The following SLC6A6 variants were observed in gnomAD, a reference collection of about 807,000 sequenced individuals.
SLC6A6 encodes sodium- and chloride-dependent taurine transporter.
Under a neutral mutation model 68.8 loss-of-function variants are expected in SLC6A6, and 16 were observed. That is an observed-to-expected ratio of 0.23 (90% CI 0.16 to 0.35). SLC6A6 has a LOEUF of 0.35. SLC6A6 is among the 10% of genes least tolerant of loss of function. The pLI, the probability that SLC6A6 is intolerant of heterozygous loss-of-function variation, is 1.00. For synonymous variants in SLC6A6, 312 were observed against 315.4 expected (o/e 0.99, Z 0.12); for missense variants, 474 against 802.8 (o/e 0.59, Z 4.95).
intron 2 of SLC6A6, among the ~76,000 whole-genome samples, chr3:14,438,278 A>G (rs1268342068): frequency 6.6e-6 from 1 of 151,748 alleles, no homozygotes; most frequent in Non-Finnish European, 1.5e-5. Flanking sequence ...CTGTGTGCTG[A>G]ATAACATTAG....
At chr3:14,403,371 G>A (rs1466401026) in intron 1 of SLC6A6, among the ~76,000 whole-genome samples, 1 of 152,122 alleles carries the variant, frequency 6.6e-6, no homozygotes, top group Non-Finnish European at 1.5e-5. Context: ...ATCTGTGTGT[G>A]GGGGGCTGCG....
chr3:14,412,049 G>A (rs1034378959), intron 1 of SLC6A6, among the ~76,000 whole-genome samples: 23 of 152,390 alleles, frequency 1.5e-4, no homozygotes, highest in Admixed American at 9.8e-4. Context: ...CCCTGTAAGG[G>A]GTGGCCCAGA....
intron 1 of SLC6A6, among the ~76,000 whole-genome samples, chr3:14,413,157 G>C (rs1182284938): frequency 6.6e-6 from 1 of 152,216 alleles, no homozygotes. Flanking sequence ...CTGGGAGTGG[G>C]GGAGCCACTG....
At chr3:14,484,456 G>A (rs561870267) in intron 14 of SLC6A6, among the ~76,000 whole-genome samples, 2 of 152,336 alleles carry the variant, frequency 1.3e-5, no homozygotes, top group African/African-American at 4.8e-5. Flanking sequence ...GGAGGCTGAA[G>A]ACAGTTGTCC....
At chr3:14,474,892 G>A (rs1700837565) in intron 10 of SLC6A6, among the ~76,000 whole-genome samples, 1 of 152,376 alleles carries the variant, frequency 6.6e-6, no homozygotes, top group Non-Finnish European at 1.5e-5. Flanking sequence ...TGACTCATCA[G>A]GGGTTCCTAC....
At chr3:14,438,548 T>TC (rs1699911986) in intron 2 of SLC6A6, among the ~76,000 whole-genome samples, 1 of 152,172 alleles carries the variant, frequency 6.6e-6, no homozygotes, top group Non-Finnish European at 1.5e-5. Flanking sequence ...GCCTCAGTTT[T>TC]CCCCACCTGT....
intron 1 of SLC6A6, among the ~76,000 whole-genome samples, chr3:14,405,119 C>CGGGAGTTGAAATT (rs1344519865): frequency 6.6e-6 from 1 of 152,158 alleles, no homozygotes; most frequent in Non-Finnish European, 1.5e-5. Context: ...CTGATATCCT[C>CGGGAGTTGAAATT]GGGAGTTGAA....
At chr3:14,446,898 A>G (rs1700134376) in intron 4 of SLC6A6, among the ~76,000 whole-genome samples, 1 of 152,210 alleles carries the variant, frequency 6.6e-6, no homozygotes, top group South Asian at 2.1e-4. Context: ...ACGGGAGCAT[A>G]TGTGAGTCTC....
At chr3:14,411,398 C>G (rs181416438) in intron 1 of SLC6A6, 1 of 152,342 alleles carries the variant, frequency 6.6e-6, no homozygotes, top group African/African-American at 2.4e-5. Flanking sequence ...TCTTAAGGGG[C>G]GAGCTTGGAG....
At chr3:14,476,116 T>C (rs1700873423) in intron 10 of SLC6A6, among the ~76,000 whole-genome samples, 2 of 152,194 alleles carry the variant, frequency 1.3e-5, no homozygotes, top group African/African-American at 4.8e-5. Flanking sequence ...CAGATAGGCC[T>C]TGGAGGGTGT....
chr3:14,417,095 G>A (rs1292130695), intron 2 of SLC6A6, among the ~76,000 whole-genome samples: 2 of 152,338 alleles, frequency 1.3e-5, no homozygotes, highest in East Asian at 3.9e-4. Context: ...CACTTTGGGA[G>A]GCCAAGGCAG....
chr3:14,457,393 G>T (rs762373417), intron 5 of SLC6A6, among the ~76,000 whole-genome samples: 57 of 152,208 alleles, frequency 3.7e-4, no homozygotes, highest in Non-Finnish European at 2.6e-4. Context: ...AGTGCTAGCT[G>T]CATCCCAGAC....
At chr3:14,470,045 T>C (rs1700716370) in intron 9 of SLC6A6, among the ~76,000 whole-genome samples, 1 of 152,178 alleles carries the variant, frequency 6.6e-6, no homozygotes, top group Non-Finnish European at 1.5e-5. Flanking sequence ...TTATACCTCC[T>C]CTGTAGATGG....
chr3:14,453,266 T>C (rs896930649), intron 5 of SLC6A6, among the ~76,000 whole-genome samples: 1 of 152,316 alleles, frequency 6.6e-6, no homozygotes, highest in East Asian at 1.9e-4. Flanking sequence ...GTCCAGGCAG[T>C]TCTTTTTTGG....
intron 1 of SLC6A6, among the ~76,000 whole-genome samples, chr3:14,412,771 C>T (rs1388274827): frequency 6.6e-6 from 1 of 152,188 alleles, no homozygotes; most frequent in Non-Finnish European, 1.5e-5. Flanking sequence ...AGTTGTGAGC[C>T]TCCTATACAT....
At chr3:14,413,666 G>A (rs1699301700) in intron 1 of SLC6A6, among the ~76,000 whole-genome samples, 1 of 151,992 alleles carries the variant, frequency 6.6e-6, no homozygotes, top group Non-Finnish European at 1.5e-5. Flanking sequence ...TTTAACTTTG[G>A]GAAGGGCTGA....
chr3:14,465,803 A>G (rs1162902756), intron 6 of SLC6A6, among the ~76,000 whole-genome samples: 1 of 152,210 alleles, frequency 6.6e-6, no homozygotes, highest in Non-Finnish European at 1.5e-5. Flanking sequence ...CTACACACGC[A>G]CTTGATAGCT....
intron 13 of SLC6A6, among the ~76,000 whole-genome samples, chr3:14,480,725 A>G (rs1700987671): frequency 6.6e-6 from 1 of 152,238 alleles, no homozygotes; most frequent in African/African-American, 2.4e-5. Flanking sequence ...ATTATGGAAC[A>G]ATCAGAGGCC....
chr3:14,466,240 T>A (rs998532127), intron 6 of SLC6A6, among the ~76,000 whole-genome samples: 1 of 133,470 alleles, frequency 7.5e-6, no homozygotes, highest in Non-Finnish European at 1.5e-5. Flanking sequence ...CCAGCCTGGG[T>A]GACAGCGAGG....
Sources: allele counts gnomAD v4.1 joint callset (sites outside exome capture counted in the v4.1 genomes callset), GRCh38; gene constraint gnomAD v4.1.1; transcripts MANE v1.5; gene names NCBI Gene and HGNC (gene_info 2026-07-23, HGNC 2026-07-21).